The following KIF26B variants were observed in gnomAD, a reference collection of about 807,000 sequenced individuals.
KIF26B encodes the protein kinesin-like protein KIF26B.
Under a neutral mutation model 151.2 loss-of-function variants are expected in KIF26B, and 63 were observed. That is an observed-to-expected ratio of 0.42 (90% CI 0.34 to 0.51). KIF26B has a LOEUF of 0.51. Among genes scored for constraint, KIF26B ranks in the 20% least tolerant of loss-of-function variants. KIF26B has a pLI of 0.07. For missense variants in KIF26B, 2,813 were observed against 2,913.6 expected (o/e 0.97, Z 0.79); for synonymous variants, 1,357 against 1,262.1 (o/e 1.08, Z -1.59).
intron 4 of KIF26B, among the ~76,000 whole-genome samples, chr1:245,430,211 C>G (rs980827064): frequency 6.6e-6 from 1 of 151,636 alleles, no homozygotes; most frequent in African/African-American, 2.4e-5. Context: ...GAGTAGAAAC[C>G]TGTGAACTGA....
At chr1:245,452,743 C>T (rs1186137175) in intron 4 of KIF26B, among the ~76,000 whole-genome samples, 1 of 151,904 alleles carries the variant, frequency 6.6e-6, no homozygotes, top group Non-Finnish European at 1.5e-5. Context: ...ATTTGAATAT[C>T]TTCTTTGGAA....
intron 2 of KIF26B, among the ~76,000 whole-genome samples, chr1:245,266,295 G>A (rs1573742094): frequency 6.6e-6 from 1 of 152,140 alleles, no homozygotes; most frequent in Non-Finnish European, 1.5e-5. Flanking sequence ...ATAATATTAA[G>A]TGCTGACAAG....
intron 9 of KIF26B, among the ~76,000 whole-genome samples, chr1:245,640,143 C>CTCTCTATATATA: frequency 1.3e-4 from 4 of 31,924 alleles, no homozygotes; most frequent in Middle Eastern, 0.012. Flanking sequence ...CTCTCTCTCT[C>CTCTCTATATATA]TATATATATA....
At chr1:245,558,826 C>A (rs561264618) in intron 5 of KIF26B, among the ~76,000 whole-genome samples, 4 of 152,232 alleles carry the variant, frequency 2.6e-5, no homozygotes, top group African/African-American at 9.6e-5. Context: ...CCCAGCATCT[C>A]GCCAACCTTT....
chr1:245,284,297 A>G (rs1671126859), intron 2 of KIF26B, among the ~76,000 whole-genome samples: 1 of 152,194 alleles, frequency 6.6e-6, no homozygotes, highest in Non-Finnish European at 1.5e-5. Flanking sequence ...ATTAGGATTC[A>G]TATTCCTTAT....
intron 5 of KIF26B, among the ~76,000 whole-genome samples, chr1:245,579,243 A>G (rs1195331130): frequency 1.3e-5 from 2 of 152,206 alleles, no homozygotes; most frequent in Non-Finnish European, 2.9e-5. Flanking sequence ...CACCAGTTAA[A>G]CGAAGAACAT....
chr1:245,365,130 CCCCTAAGGG>C (rs1572024797), intron 2 of KIF26B, among the ~76,000 whole-genome samples: 1 of 152,130 alleles, frequency 6.6e-6, no homozygotes, highest in African/African-American at 2.4e-5. Context: ...TCTGGAACAG[CCCCTAAGGG>C]GCCGTTTCAG....
At chr1:245,437,447 T>G (rs2103045092) in intron 4 of KIF26B, among the ~76,000 whole-genome samples, 1 of 152,374 alleles carries the variant, frequency 6.6e-6, no homozygotes, top group Middle Eastern at 3.4e-3. Flanking sequence ...ATAGATACCA[T>G]TAATCTTTAC....
At chr1:245,620,175 C>A (rs529775774) in intron 9 of KIF26B, among the ~76,000 whole-genome samples, 1 of 151,962 alleles carries the variant, frequency 6.6e-6, no homozygotes, top group Non-Finnish European at 1.5e-5. Context: ...ATTGATCTTA[C>A]GAACCACAAA....
intron 3 of KIF26B, among the ~76,000 whole-genome samples, chr1:245,370,107 G>T (rs186200319): frequency 6.6e-6 from 1 of 151,976 alleles, no homozygotes; most frequent in Non-Finnish European, 1.5e-5. Context: ...TTTAAAAGTC[G>T]ATGTCACCCG....
intron 4 of KIF26B, among the ~76,000 whole-genome samples, chr1:245,508,164 A>G (rs550524676): frequency 6.6e-6 from 1 of 152,368 alleles, no homozygotes; most frequent in Non-Finnish European, 1.5e-5. Flanking sequence ...TGTTTCCCCA[A>G]GGATGTTCTA....
At chr1:245,303,232 T>C (rs1300925282) in intron 2 of KIF26B, among the ~76,000 whole-genome samples, 1 of 143,464 alleles carries the variant, frequency 7.0e-6, no homozygotes, top group East Asian at 2.2e-4. Flanking sequence ...GGAGTCTCGC[T>C]TTGTCGCCCA....
intron 4 of KIF26B, among the ~76,000 whole-genome samples, chr1:245,429,472 C>T (rs1756918): frequency 0.24 from 36,518 of 152,040 alleles, 4,757 homozygotes; most frequent in African/African-American, 0.32. Context: ...TCACCTGTTA[C>T]GAACTAGATG....
intron 10 of KIF26B, among the ~76,000 whole-genome samples, chr1:245,680,434 G>A (rs1016250111): frequency 1.3e-5 from 2 of 152,066 alleles, no homozygotes; most frequent in South Asian, 2.1e-4. Flanking sequence ...TAAAAAAATC[G>A]CCGTAAACAT....
At chr1:245,620,054 G>C (rs2043641713) in intron 9 of KIF26B, among the ~76,000 whole-genome samples, 1 of 152,126 alleles carries the variant, frequency 6.6e-6, no homozygotes, top group Non-Finnish European at 1.5e-5. Flanking sequence ...ACGCAACAGA[G>C]TCAGGAGGCA....
intron 4 of KIF26B, among the ~76,000 whole-genome samples, chr1:245,476,323 A>G (rs1427064274): frequency 2.6e-5 from 4 of 151,822 alleles, no homozygotes; most frequent in Non-Finnish European, 5.9e-5. Context: ...CATGATGATT[A>G]CATCATTACA....
chr1:245,173,421 G>A (rs762742072), intron 2 of KIF26B, among the ~76,000 whole-genome samples: 1 of 152,184 alleles, frequency 6.6e-6, no homozygotes, highest in African/African-American at 2.4e-5. Flanking sequence ...TGTATTTGAC[G>A]GAAGTGATAT....
chr1:245,485,380 G>T (rs1660256466), intron 4 of KIF26B, among the ~76,000 whole-genome samples: 1 of 114,648 alleles, frequency 8.7e-6, no homozygotes, highest in Admixed American at 1.2e-4. Flanking sequence ...TATATTCCTA[G>T]CATCATTTTT....
At position 245,540,670 on chromosome 1, in the gene KIF26B, C is replaced by T. The variant is rs1324429230; in HGVS notation, c.1167-97C>T. 1 of 1,091,196 alleles carries T rather than the reference C, an allele frequency of 9.2e-7. No homozygotes were observed. 67.6% of individuals were successfully genotyped at this position (1,091,196 alleles called of 1,614,324 possible). A position where few individuals can be genotyped will look rare whatever the true frequency, so the allele number is the denominator to read the frequency against. On this transcript the variant is annotated intron_variant, in intron 4 of 14. Transcript: ENST00000407071. This position sits in a 1 kb window ranked among gnomAD's most constrained non-coding sequence, Gnocchi z 4.6. Reference sequence around the variant, plus strand: ...GAGGAGAGAAGGAATGATTAGGCCTCAGAAAGAACGAGGGGTTGTTTAAGA... The same window carrying T: ...GAGGAGAGAAGGAATGATTAGGCCTTAGAAAGAACGAGGGGTTGTTTAAGA...
Sources: allele counts gnomAD v4.1 joint callset (sites outside exome capture counted in the v4.1 genomes callset), GRCh38; gene constraint gnomAD v4.1.1; non-coding constraint Gnocchi (gnomAD v3.1); transcripts MANE v1.5; gene names NCBI Gene and HGNC (gene_info 2026-07-23, HGNC 2026-07-21).